AKR7A3: variants seen among roughly 807,000 people sequenced by gnomAD.
AKR7A3 encodes the protein aldo-keto reductase family 7 member A3.
In AKR7A3, 37 loss-of-function variants were observed where a neutral mutation model predicts 32.5. The observed-to-expected ratio is 1.14, with a 90% CI of 0.88 to 1.50. The LOEUF is 1.50. Among genes scored for constraint, AKR7A3 ranks in the 40% most tolerant of loss-of-function variants. The pLI is 0.00. For synonymous variants in AKR7A3, 177 were observed against 188.4 expected, an observed-to-expected ratio of 0.94 and a Z score of 0.50; for missense variants, 412 against 453.2, an observed-to-expected ratio of 0.91 and a Z score of 0.83.
At chr1:19,281,823 G>A (rs1246021578), downstream of AKR7A3, among the ~76,000 whole-genome samples, 1 of 151,974 alleles carries the variant, frequency 6.6e-6, no homozygotes, top group Non-Finnish European at 1.5e-5. Context: ...TTATTTTGGA[G>A]CTTTACATTT....
rs570050931 is a variant in AKR7A3 at position 19,285,213 on chromosome 1, T to C, written c.508-99A>G. 9.5e-6 allele frequency: 11 copies of C among 1,160,236 alleles called. No homozygotes were observed. The African/African-American group carries it at 1.2e-4, about 13-fold the overall frequency. The allele number at this position is 1,160,236 out of a possible 1,614,324, so 71.9% of individuals were successfully genotyped here. A position where few individuals can be genotyped will look rare whatever the true frequency, so the allele number is the denominator to read the frequency against. The stretch of plus-strand genomic sequence containing the variant: ...CCCTTATTTCAGACCTTAACAATTC[T>C]AGGACTTTAACCGTCTGGGCGTATA... On this transcript the variant is annotated intron_variant, in intron 3 of 6. Transcript: ENST00000361640.
intron 6 of AKR7A3, among the ~76,000 whole-genome samples, chr1:19,283,750 C>T (rs2093722944): frequency 2.0e-5 from 3 of 151,688 alleles, no homozygotes; most frequent in South Asian, 2.1e-4. Flanking sequence ...AGAGTTGCTT[C>T]GGCCCAAGAG....
At position 19,284,675 on chromosome 1, in the gene AKR7A3, C is replaced by T. The variant is rs766741747; in HGVS notation, c.704+11G>A. 1.2e-6 allele frequency: 2 copies of T among 1,613,674 alleles called. No individual in the cohort carries two copies. Among genetic ancestry groups the T allele is most frequent in the Non-Finnish European group, 1.7e-6 (2 of 1,179,866 alleles). On this transcript the variant is annotated intron_variant, in intron 5 of 6. Transcript: ENST00000361640. ...CACCCCAGCCATCCACACCAAGCAC[C>T]CACAGCTTACCGATTCCTGTACATC... is the stretch of plus-strand genomic sequence containing the variant.
At chr1:19,286,096 A>C (rs2151982238) in intron 2 of AKR7A3, 89 bp downstream of exon 2, 1 of 1,590,840 alleles carries the variant, frequency 6.3e-7, no homozygotes, top group Non-Finnish European at 8.6e-7. Flanking sequence ...TCCACCCTGG[A>C]ACAGCCCTGG....
intron 5 of AKR7A3, 123 bp downstream of exon 5, chr1:19,284,563 G>A (rs576489924): frequency 1.9e-5 from 21 of 1,099,030 alleles, no homozygotes; most frequent in Admixed American, 4.1e-5. Flanking sequence ...GGAAATTCCC[G>A]AAGAAATTCA....
chr1:19,283,853 A>C (rs2093723184), intron 6 of AKR7A3, 143 bp downstream of exon 6: 1 of 1,403,044 alleles, frequency 7.1e-7, no homozygotes, highest in Admixed American at 2.6e-5. Context: ...ACATAGAAAA[A>C]GACCAGTGGG....
At chr1:19,278,398 A>C (rs1333940426), downstream of AKR7A3, among the ~76,000 whole-genome samples, 2 of 151,746 alleles carry the variant, frequency 1.3e-5, no homozygotes, top group Non-Finnish European at 2.9e-5. Context: ...CTCTACTAAA[A>C]AATACATAAA....
chr1:19,286,501 G>A, intron 1 of AKR7A3, 129 bp from the exon 2 acceptor site: 1 of 926,882 alleles, frequency 1.1e-6, no homozygotes, highest in Non-Finnish European at 1.6e-6. Context: ...CCAACATGGT[G>A]AAACCCCATC....
downstream of AKR7A3, chr1:19,282,426 T>A (rs2093720354): frequency 9.2e-6 from 4 of 435,246 alleles, no homozygotes; most frequent in East Asian, 2.0e-4. Flanking sequence ...GTAAGCTTCC[T>A]GAGGCCCTCA....
At chr1:19,277,062 C>T in the AKR7A3 span, among the ~76,000 whole-genome samples, 3 of 151,318 alleles carry the variant, frequency 2.0e-5, no homozygotes, top group African/African-American at 4.9e-5. Context: ...TGCAGTGAGC[C>T]GAGGTTGCAC....
chr1:19,282,534 T>A (rs1328599289), downstream of AKR7A3: 2 of 890,412 alleles, frequency 2.2e-6, no homozygotes, highest in African/African-American at 1.7e-5. Flanking sequence ...TCTCAGGTAT[T>A]CTTTTATAGC....
the AKR7A3 span, among the ~76,000 whole-genome samples, chr1:19,277,049 G>C: frequency 6.6e-6 from 1 of 151,884 alleles, no homozygotes; most frequent in African/African-American, 2.4e-5. Flanking sequence ...AGCAGGTGGA[G>C]GCTGCAGTGA....
downstream of AKR7A3, among the ~76,000 whole-genome samples, chr1:19,280,903 G>C (rs2093717865): frequency 6.6e-6 from 1 of 151,772 alleles, no homozygotes; most frequent in Admixed American, 6.6e-5. Context: ...GAATTGTCTT[G>C]ACGCTCTTTA....
intron 3 of AKR7A3, 47 bp downstream of exon 3, chr1:19,285,841 T>A (rs2093728612): frequency 6.2e-7 from 1 of 1,610,648 alleles, no homozygotes; most frequent in South Asian, 1.1e-5. Context: ...CAGCCCAGGA[T>A]GAGCAGGAGT....
At chr1:19,278,718 A>C (rs1044762802), downstream of AKR7A3, among the ~76,000 whole-genome samples, 1 of 151,942 alleles carries the variant, frequency 6.6e-6, no homozygotes, top group African/African-American at 2.4e-5. Context: ...GAGCATCCTC[A>C]TAAGTGCACC....
At chr1:19,277,096 A>G in the AKR7A3 span, among the ~76,000 whole-genome samples, 11 of 152,098 alleles carry the variant, frequency 7.2e-5, 1 homozygote, top group African/African-American at 2.4e-4. Context: ...CCTGGGCAAC[A>G]GAGTGAGACT....
the AKR7A3 span, among the ~76,000 whole-genome samples, chr1:19,274,799 G>T: frequency 6.9e-6 from 1 of 145,454 alleles, no homozygotes; most frequent in African/African-American, 2.6e-5. Flanking sequence ...AAAAAAAGAA[G>T]AAGAAGATAG....
chr1:19,283,953 C>A (rs1293458763), intron 6 of AKR7A3, 43 bp downstream of exon 6: 3 of 1,610,894 alleles, frequency 1.9e-6, no homozygotes, highest in Non-Finnish European at 2.5e-6. Context: ...ATTGCTGGTT[C>A]CCCTGGAAGG....
intron 1 of AKR7A3, among the ~76,000 whole-genome samples, chr1:19,287,374 G>C (rs1447342445): frequency 6.6e-6 from 1 of 151,338 alleles, no homozygotes; most frequent in Non-Finnish European, 1.5e-5. Flanking sequence ...GATCTAGAAA[G>C]AGCGTGGCAC....
Sources: allele counts gnomAD v4.1 joint callset (sites outside exome capture counted in the v4.1 genomes callset), GRCh38; gene constraint gnomAD v4.1.1; transcripts MANE v1.5; gene names NCBI Gene and HGNC (gene_info 2026-07-23, HGNC 2026-07-21).